Variants in KRT2 observed in about 807,000 individuals in gnomAD.
The protein encoded by KRT2 is keratin 2.
In KRT2, 37 loss-of-function variants were observed where a neutral mutation model predicts 48.5. The observed-to-expected ratio is 0.76, with a 90% CI of 0.59 to 1.00. The LOEUF is 1.00. Among genes scored for constraint, KRT2 ranks in the 50% least tolerant of loss-of-function variants. The pLI is 0.00. For missense variants in KRT2, 880 were observed against 815.2 expected (o/e 1.08, Z -0.97); for synonymous variants, 324 against 312.2 (o/e 1.04, Z -0.40).
At chr12:52,648,861 AG>A (rs368454374) in intron 4 of KRT2, 145 bp downstream of exon 4, 1 of 691,572 alleles carries the variant, frequency 1.4e-6, no homozygotes, top group East Asian at 2.8e-5. Flanking sequence ...ATGCTATGAA[AG>A]CCCCCCCAGT....
intron 2 of KRT2, among the ~76,000 whole-genome samples, 175 bp downstream of exon 2, chr12:52,650,164 G>A (rs1241231494): frequency 6.6e-6 from 1 of 151,956 alleles, no homozygotes; most frequent in Non-Finnish European, 1.5e-5. Flanking sequence ...ACATACAAAA[G>A]ACAAAAATGA....
chr12:52,652,174 C>A lies in KRT2; in HGVS notation c.-32G>T. 2 of 1,483,114 alleles carry A rather than the reference C, an allele frequency of 1.3e-6. No homozygotes were observed. Among genetic ancestry groups the A allele is most frequent in the Non-Finnish European group, 1.8e-6 (2 of 1,097,392 alleles). The allele number at this position is 1,483,114 out of a possible 1,614,324, so 91.9% of individuals were successfully genotyped here. On this transcript the variant is annotated 5_prime_UTR_variant, in exon 1 of 9. Coordinates refer to ENST00000309680, the MANE Select transcript of KRT2 (RefSeq NM_000423.3). The stretch of plus-strand genomic sequence containing the variant: ...TTTGTCCAGGGAGGAAAGTCACAGG[C>A]TCTTGAGAAGAGTCAAGGCTGGAGA...
rs1192095078 is a variant in KRT2, at chr12:52,645,251, T to C, written c.1688A>G (p.Tyr563Cys). 1 of 1,613,946 alleles carries C rather than the reference T, an allele frequency of 6.2e-7. No individual in the cohort carries two copies. Among genetic ancestry groups the C allele is most frequent in the African/African-American group, 1.3e-5 (1 of 74,874 alleles). The stretch of plus-strand genomic sequence containing the variant: ...TCCTCCAGAACCACCGCCAGAGCCA[T>C]ATCCTCCTCCAGAGATAGAACCTCC... ...GGGGSISGGG[Y>C]GSGGGSGGRY... The change falls in exon 9 of 9, where the codon TAT (tyrosine) becomes TGT (cysteine). Residue 563 changes from tyrosine to cysteine, a missense_variant. Coordinates refer to ENST00000309680, the MANE Select transcript of KRT2 (RefSeq NM_000423.3).
Position 52,645,303 on chromosome 12 carries a change from A to C in KRT2, c.1636T>G (p.Ser546Ala), listed in dbSNP as rs1177970493. ...SSSYGSGGRQ[S>A]GSRGGSGGGG... ...CCTCCACTACCGCCTCTGGAGCCAG[A>C]CTGTCGGCCTCCAGAGCCATAACTG... Residue 546 changes from serine to alanine, a missense_variant, in exon 9 of 9, where the codon TCT becomes GCT. Physicochemically the swap from Ser to Ala is moderately conservative, Grantham distance 99. Transcript: ENST00000309680. The C allele has an allele frequency of 1.9e-6, 3 of 1,613,932 alleles. No homozygotes were observed. The highest frequency in any genetic ancestry group is 3.3e-5 in the Admixed American group (2 of 59,988).
chr12:52,647,656 C>A, intron 6 of KRT2, 74 bp downstream of exon 6: 1 of 1,572,776 alleles, frequency 6.4e-7, no homozygotes, highest in Non-Finnish European at 8.7e-7. Context: ...CACATGCACA[C>A]TCACACACAA....
intron 3 of KRT2, among the ~76,000 whole-genome samples, chr12:52,649,379 CTG>C (rs766578963): frequency 6.6e-6 from 1 of 152,214 alleles, no homozygotes. Context: ...GCTTGAGACA[CTG>C]TGTGTTTCTA....
rs1168152899 is a variant in KRT2 at position 52,650,399 on chromosome 12, C to T, written c.740G>A (p.Arg247Lys). 7 of 1,614,102 alleles carry T rather than the reference C, an allele frequency of 4.3e-6. No individual in the cohort carries two copies. Among genetic ancestry groups the T allele is most frequent in the Non-Finnish European group, 5.9e-6 (7 of 1,180,048 alleles). The change falls in exon 2 of 9, where the codon AGA (arginine) becomes AAA (lysine). Residue 247 changes from arginine to lysine, a missense_variant. Coordinates refer to ENST00000309680, the MANE Select transcript of KRT2 (RefSeq NM_000423.3). ...ATTCAGCTCTGAATTCTGTGATGTT[C>T]TTTCTGCAGTGAGCCCATCCAGATA... ...KRYLDGLTAE[R>K]TSQNSELNNM... is the part of the protein sequence containing the mutation.
In KRT2 at chr12:52,651,903, A is replaced by ACCT; in HGVS notation, c.237_239dup (p.Gly82dup). Reference sequence around the variant, plus strand: ...ATCCACCAGCGGCGCCAAAGCCACCACCTCCTCCAGCCACACTAATGGAGA... The same window carrying ACCT: ...ATCCACCAGCGGCGCCAAAGCCACCACCTCCTCCTCCAGCCACACTAATGGAGA... On this transcript the variant is annotated inframe_insertion, in exon 1 of 9. Coordinates refer to ENST00000309680, the MANE Select transcript of KRT2 (RefSeq NM_000423.3). 6.2e-7 allele frequency: 1 copy of ACCT among 1,609,150 alleles called. No homozygotes were observed. The highest frequency in any genetic ancestry group is 1.3e-5 in the African/African-American group (1 of 74,368).
At chr12:52,647,707 C>T (rs749430818) in intron 6 of KRT2, 23 bp downstream of exon 6, 20 of 1,613,008 alleles carry the variant, frequency 1.2e-5, no homozygotes, top group Middle Eastern at 1.7e-4. Context: ...TCCCGCCCCT[C>T]GCTGGACAGG....
chr12:52,650,239 C>T, intron 2 of KRT2, 100 bp downstream of exon 2: 1 of 1,034,228 alleles, frequency 9.7e-7, no homozygotes, highest in Non-Finnish European at 1.5e-6. Flanking sequence ...CTCCCCATTA[C>T]CACCACAAAT....
Position 52,648,245 on chromosome 12 carries a change from G to T in KRT2, c.1050C>A (p.Ala350=). The change falls in exon 5 of 9, where the codon GCC becomes GCA. Residue 350 remains alanine, a synonymous_variant. Transcript: ENST00000309680. The part of the protein sequence containing the change: ...SRNLDLDSII[A]EVKAQYEEIA... ...TCTCCTCATACTGGGCCTTGACCTC[G>T]GCGATGATGCTATCCAAGTCCAGGT... 6 of 1,614,086 alleles carry T rather than the reference G, an allele frequency of 3.7e-6. No individual in the cohort carries two copies. The highest frequency in any genetic ancestry group is 1.6e-4 in the Middle Eastern group (1 of 6,062).
chr12:52,647,678 C>T lies in KRT2; in HGVS notation c.1248+52G>A, dbSNP rs371118157. On this transcript the variant is annotated intron_variant, in intron 6 of 8. Transcript: ENST00000309680. ...ACACTCACACACAACCACACTCTCA[C>T]GCACACCCAGAGACAACCTCCCGCC... 9 of 1,605,844 alleles carry T rather than the reference C, an allele frequency of 5.6e-6. No individual in the cohort carries two copies. The African/African-American group carries it at 6.7e-5, about 12-fold the overall frequency.
In KRT2 at chr12:52,649,017, A is replaced by T. The variant is rs781350110; in HGVS notation, c.947T>A (p.Leu316His). The T allele has an allele frequency of 2.5e-6, 4 of 1,604,394 alleles. No homozygotes were observed. The South Asian group carries it at 4.4e-5, about 18-fold the overall frequency. Residue 316 changes from leucine (L) to histidine (H), a missense_variant, in exon 4 of 9, where the codon CTC becomes CAC. Leu to His is a moderately conservative substitution (Grantham distance 99, BLOSUM62 -3). Coordinates refer to ENST00000309680, the MANE Select transcript of KRT2 (RefSeq NM_000423.3). ...GAGCAGCCTCCTTACCGCATCATAGAGAACTTTCAGAAACTCAATTTCCTG... is the reference window on the plus strand; with the variant it reads ...GAGCAGCCTCCTTACCGCATCATAGTGAACTTTCAGAAACTCAATTTCCTG... ...LNQEIEFLKV[L>H]YDAEISQIHQ...
At position 52,648,857 on chromosome 12, in the gene KRT2, T is replaced by C; in HGVS notation, c.957+150A>G. 4.4e-6 allele frequency: 3 copies of C among 688,662 alleles called. No individual in the cohort carries two copies. The South Asian group carries it at 4.5e-5, about 10-fold the overall frequency. 42.7% of individuals were successfully genotyped at this position (688,662 alleles called of 1,614,324 possible). ...TTCCTCACCCACAAGACCTATGCTA[T>C]GAAAGCCCCCCCAGTGGCCTGGAAT... On this transcript the variant is annotated intron_variant, in intron 4 of 8. Coordinates refer to ENST00000309680, the MANE Select transcript of KRT2 (RefSeq NM_000423.3).
chr12:52,649,925 T>C lies in KRT2; in HGVS notation c.850A>G (p.Thr284Ala), dbSNP rs754852576. Reference protein sequence around the residue: ...KRTAAENDFVTLKKDVDNAYM... With the variant: ...KRTAAENDFVALKKDVDNAYM... The stretch of plus-strand genomic sequence containing the variant: ...ATTCTCTCGCTCACCTTTTTAAGCG[T>C]CACAAAATCATTCTCAGCAGCTGTG... The change falls in exon 3 of 9, where the codon ACG (threonine) becomes GCG (alanine). Residue 284 changes from threonine to alanine, a missense_variant. Physicochemically the swap from Thr to Ala is moderately conservative, Grantham distance 58. Coordinates refer to ENST00000309680, the MANE Select transcript of KRT2 (RefSeq NM_000423.3). The C allele has an allele frequency of 6.2e-7, 1 of 1,613,610 alleles. No homozygotes were observed.
chr12:52,645,685 G>T, intron 7 of KRT2, 116 bp from the exon 8 acceptor site: 3 of 989,648 alleles, frequency 3.0e-6, no homozygotes, highest in Non-Finnish European at 4.8e-6. Context: ...AGCCACCAGG[G>T]CTTACACACC....
At chr12:52,645,617 T>C in intron 7 of KRT2, 48 bp from the exon 8 acceptor site, 1 of 1,593,634 alleles carries the variant, frequency 6.3e-7, no homozygotes, top group Non-Finnish European at 8.6e-7. Context: ...ACTTAGGTTC[T>C]GTATGCATGT....
In KRT2 at chr12:52,646,734, C is replaced by T; in HGVS notation, c.1469+6G>A. The T allele has an allele frequency of 6.2e-7, 1 of 1,613,930 alleles. No homozygotes were observed. Among genetic ancestry groups the T allele is most frequent in the Non-Finnish European group, 8.5e-7 (1 of 1,179,864 alleles). ...GGGTCCCCTTCTCCCTTCCCAGTGC[C>T]CTCACCTGCACTCCTCGCCCTCCAG... is the stretch of plus-strand genomic sequence containing the variant. On this transcript the variant is annotated splice_donor_region_variant and intron_variant, in intron 7 of 8. Transcript: ENST00000309680.
chr12:52,650,722 G>C, intron 1 of KRT2, 169 bp from the exon 2 acceptor site: 1 of 686,692 alleles, frequency 1.5e-6, no homozygotes, highest in Non-Finnish European at 2.6e-6. Context: ...TTCGCCCCTG[G>C]AAAGTCCCAC....
Sources: gnomAD v4.1 joint callset for allele counts (sites outside exome capture counted in the v4.1 genomes callset) on GRCh38, gnomAD v4.1.1 for gene constraint, MANE v1.5 for transcripts, NCBI Gene and HGNC (gene_info 2026-07-23, HGNC 2026-07-21) for gene names.